The following CCDC91 variants were observed in gnomAD, a reference collection of about 807,000 sequenced individuals.
CCDC91 encodes coiled-coil domain containing 91, also known as coiled-coil domain-containing protein 91.
A neutral mutation model predicts 63.2 loss-of-function variants in CCDC91; 48 were observed. The observed-to-expected ratio is 0.76, with a 90% CI of 0.60 to 0.97. CCDC91 has a LOEUF of 0.97. Among genes scored for constraint, CCDC91 ranks in the 50% least tolerant of loss-of-function variants. CCDC91 has a pLI of 0.00. For missense variants in CCDC91, 500 were observed against 494.6 expected, an observed-to-expected ratio of 1.01 and a Z score of -0.10; for synonymous variants, 167 against 165.8, an observed-to-expected ratio of 1.01 and a Z score of -0.06.
intron 6 of CCDC91, among the ~76,000 whole-genome samples, chr12:28,313,624 T>C (rs1437999528): frequency 6.6e-6 from 1 of 152,070 alleles, no homozygotes; most frequent in Non-Finnish European, 1.5e-5. Context: ...TGTTATTTTA[T>C]GTGATATGGT....
Position 28,452,626 on chromosome 12 carries a change from C to T in CCDC91, c.1073C>T (p.Ala358Val). 6.4e-7 allele frequency: 1 copy of T among 1,559,202 alleles called. No individual in the cohort carries two copies. Among genetic ancestry groups the T allele is most frequent in the Non-Finnish European group, 8.7e-7 (1 of 1,153,200 alleles). Residue 358 changes from alanine (A) to valine (V), a missense_variant, in exon 11 of 13, where the codon GCT (alanine) becomes GTT (valine). Physicochemically the swap from Ala to Val is moderately conservative, Grantham distance 64. Coordinates refer to ENST00000536442, the MANE Select transcript of CCDC91 (RefSeq NM_018318.5). ...AAAGTATCTCAGGAAATTCAAAAAGCTATACAAGAACAAAGAAAAATAAGT... is the reference window on the plus strand; with the variant it reads ...AAAGTATCTCAGGAAATTCAAAAAGTTATACAAGAACAAAGAAAAATAAGT... ...QEKVSQEIQK[A>V]IQEQRKISQE...
At chr12:28,531,193 C>T (rs1941699956) in intron 12 of CCDC91, among the ~76,000 whole-genome samples, 1 of 152,046 alleles carries the variant, frequency 6.6e-6, no homozygotes. Flanking sequence ...TAAATAATTC[C>T]TCCAGTTTCA....
intron 6 of CCDC91, among the ~76,000 whole-genome samples, chr12:28,335,410 T>C (rs1347535495): frequency 1.4e-5 from 2 of 141,806 alleles, no homozygotes; most frequent in African/African-American, 5.1e-5. Context: ...TATATAAATA[T>C]ATAAAAATAC....
chr12:28,466,919 A>G (rs568390319), intron 11 of CCDC91, among the ~76,000 whole-genome samples: 4 of 152,258 alleles, frequency 2.6e-5, no homozygotes, highest in East Asian at 3.9e-4. Flanking sequence ...TTTCAAGACA[A>G]TACAGTAAGT....
At chr12:28,485,538 T>A (rs2140936921) in intron 12 of CCDC91, among the ~76,000 whole-genome samples, 1 of 152,214 alleles carries the variant, frequency 6.6e-6, no homozygotes, top group East Asian at 1.9e-4. Flanking sequence ...TGGCTACAGT[T>A]AGGTTTCAAC....
intron 12 of CCDC91, among the ~76,000 whole-genome samples, chr12:28,496,749 C>G (rs1415997286): frequency 6.6e-6 from 1 of 151,070 alleles, no homozygotes; most frequent in African/African-American, 2.4e-5. Context: ...TTCAAGTAAT[C>G]TGAGATTTTC....
chr12:28,442,695 T>G (rs1289152366), intron 8 of CCDC91, among the ~76,000 whole-genome samples: 1 of 152,044 alleles, frequency 6.6e-6, no homozygotes, highest in African/African-American at 2.4e-5. Flanking sequence ...AACTCTTGAG[T>G]GAGTATTCTA....
chr12:28,406,807 ACT>A (rs1946979939), intron 8 of CCDC91, among the ~76,000 whole-genome samples: 1 of 122,696 alleles, frequency 8.2e-6, no homozygotes, highest in African/African-American at 2.6e-5. Context: ...TCAGATTTTA[ACT>A]ATTTTTTTTT....
chr12:28,416,478 C>T (rs1419449943), intron 8 of CCDC91, among the ~76,000 whole-genome samples: 1 of 152,002 alleles, frequency 6.6e-6, no homozygotes, highest in East Asian at 1.9e-4. Flanking sequence ...ACCCTGAATA[C>T]AGTAAGAACA....
At chr12:28,515,529 A>G (rs1939847900) in intron 12 of CCDC91, among the ~76,000 whole-genome samples, 1 of 151,876 alleles carries the variant, frequency 6.6e-6, no homozygotes, top group Non-Finnish European at 1.5e-5. Flanking sequence ...TGTAAAATAA[A>G]TTCAGTGGAT....
At chr12:28,385,502 T>G (rs11049567) in intron 7 of CCDC91, among the ~76,000 whole-genome samples, 1 of 152,054 alleles carries the variant, frequency 6.6e-6, no homozygotes, top group Non-Finnish European at 1.5e-5. Flanking sequence ...ATATTTGTTA[T>G]ACGTTTTGCT....
chr12:28,300,290 C>G (rs1296407422), intron 3 of CCDC91, among the ~76,000 whole-genome samples: 1 of 151,412 alleles, frequency 6.6e-6, no homozygotes, highest in African/African-American at 2.4e-5. Context: ...TTTTTCCAAA[C>G]AACTAATCAA....
chr12:28,413,585 T>C (rs868499783), intron 8 of CCDC91, among the ~76,000 whole-genome samples: 1 of 152,192 alleles, frequency 6.6e-6, no homozygotes, highest in Non-Finnish European at 1.5e-5. Flanking sequence ...TTGAATTTAT[T>C]TTGTATACAT....
At chr12:28,455,720 A>G (rs1950027269) in intron 11 of CCDC91, among the ~76,000 whole-genome samples, 1 of 151,998 alleles carries the variant, frequency 6.6e-6, no homozygotes, top group African/African-American at 2.4e-5. Flanking sequence ...TAATAGCAGT[A>G]AGATAATAGC....
At chr12:28,493,851 G>A (rs1052525676) in intron 12 of CCDC91, among the ~76,000 whole-genome samples, 1 of 151,662 alleles carries the variant, frequency 6.6e-6, no homozygotes, top group Non-Finnish European at 1.5e-5. Flanking sequence ...TGCTGAGAGC[G>A]TGATTGGTCT....
At chr12:28,538,102 G>GT (rs199746499) in intron 12 of CCDC91, among the ~76,000 whole-genome samples, 22 of 141,790 alleles carry the variant, frequency 1.6e-4, no homozygotes, top group African/African-American at 4.6e-4. Context: ...TAATTTTAGG[G>GT]TTTTTTTATT....
intron 12 of CCDC91, among the ~76,000 whole-genome samples, chr12:28,524,740 T>C (rs1173723712): frequency 1.3e-5 from 2 of 152,126 alleles, no homozygotes; most frequent in East Asian, 1.9e-4. Flanking sequence ...GGACTTGTTT[T>C]GTTGGTAATT....
chr12:28,221,138 A>G (rs1354777362), intron 1 of CCDC91, among the ~76,000 whole-genome samples: 1 of 151,860 alleles, frequency 6.6e-6, no homozygotes, highest in East Asian at 1.9e-4. Context: ...TAGTTATACT[A>G]TTGCTGTTTT....
intron 6 of CCDC91, among the ~76,000 whole-genome samples, chr12:28,308,402 G>T (rs181832429): frequency 6.6e-6 from 1 of 151,980 alleles, no homozygotes; most frequent in Admixed American, 6.6e-5. Context: ...CACTGCCCAC[G>T]TGCAGACCAT....
Sources: allele counts gnomAD v4.1 joint callset (sites outside exome capture counted in the v4.1 genomes callset), GRCh38; gene constraint gnomAD v4.1.1; transcripts MANE v1.5; gene names NCBI Gene and HGNC (gene_info 2026-07-23, HGNC 2026-07-21).